Variants in DDR2 observed in about 807,000 individuals in gnomAD.
The protein encoded by DDR2 is discoidin domain receptor tyrosine kinase 2, also known as discoidin domain-containing receptor 2.
In DDR2, 27 loss-of-function variants were observed where a neutral mutation model predicts 94.9. That is an observed-to-expected ratio of 0.28 (90% CI 0.21 to 0.39). DDR2 has a LOEUF of 0.39. Among genes scored for constraint, DDR2 ranks in the 10% least tolerant of loss-of-function variants. The probability of loss-of-function intolerance (pLI) is 1.00; values close to 1 mark genes in which losing one functional copy is unlikely to be tolerated. For synonymous variants in DDR2, 382 were observed against 377.2 expected, an observed-to-expected ratio of 1.01 and a Z score of -0.15; for missense variants, 783 against 1,076.0, an observed-to-expected ratio of 0.73 and a Z score of 3.81.
chr1:162,778,660 C>G lies in DDR2; in HGVS notation c.2364C>G (p.Pro788=), dbSNP rs1452361467. ...CTTTCACCTTTTGTCAAGAACAGCCCTATTCCCAGCTGTCAGATGAACAGG... is the reference window on the plus strand; with the variant it reads ...CTTTCACCTTTTGTCAAGAACAGCCGTATTCCCAGCTGTCAGATGAACAGG... The part of the protein sequence containing the change: ...WETFTFCQEQ[P]YSQLSDEQVI... Residue 788 remains proline, a synonymous_variant, in exon 17 of 18, where the codon CCC becomes CCG. Transcript: ENST00000367921. 6.2e-7 allele frequency: 1 copy of G among 1,613,876 alleles called. No homozygotes were observed. Among genetic ancestry groups the G allele is most frequent in the East Asian group, 2.2e-5 (1 of 44,888 alleles).
At chr1:162,756,444 G>T (rs537681570) in intron 7 of DDR2, among the ~76,000 whole-genome samples, 1 of 152,330 alleles carries the variant, frequency 6.6e-6, no homozygotes, top group African/African-American at 2.4e-5. Context: ...GGAACTTAGG[G>T]TTGGGTACAG....
At chr1:162,670,728 T>G (rs777700485) in intron 2 of DDR2, among the ~76,000 whole-genome samples, 28 of 152,228 alleles carry the variant, frequency 1.8e-4, no homozygotes, top group Non-Finnish European at 3.2e-4. Flanking sequence ...TGATTTCAGT[T>G]GCTTTAACCA....
intron 1 of DDR2, among the ~76,000 whole-genome samples, chr1:162,642,693 G>C (rs1657200784): frequency 6.6e-6 from 1 of 152,072 alleles, no homozygotes; most frequent in Non-Finnish European, 1.5e-5. Flanking sequence ...AGGCAGTGCT[G>C]GTGTCTTTCT....
chr1:162,780,296 A>T lies in DDR2; in HGVS notation c.*50A>T. 1 of 1,612,450 alleles carries T rather than the reference A, an allele frequency of 6.2e-7. No individual in the cohort carries two copies. The highest frequency in any genetic ancestry group is 1.1e-5 in the South Asian group (1 of 91,000). ...CTACGGCTCAGGTCCTCCCTACAAG[A>T]CCTACCACTCACCCATGCCTATGCC... On this transcript the variant is annotated 3_prime_UTR_variant, in exon 18 of 18. Coordinates refer to ENST00000367921, the MANE Select transcript of DDR2 (RefSeq NM_006182.4).
chr1:162,681,290 C>T (rs1659384445), intron 2 of DDR2, among the ~76,000 whole-genome samples: 1 of 152,184 alleles, frequency 6.6e-6, no homozygotes, highest in Non-Finnish European at 1.5e-5. Context: ...TTGGGTTACA[C>T]AATCTACAAT....
intron 1 of DDR2, among the ~76,000 whole-genome samples, chr1:162,636,888 CTT>C (rs1362691230): frequency 6.6e-6 from 1 of 151,954 alleles, no homozygotes; most frequent in African/African-American, 2.4e-5. Flanking sequence ...TTTGAATGCT[CTT>C]ATGAATCCAA....
chr1:162,756,139 T>A (rs942654673), intron 7 of DDR2, among the ~76,000 whole-genome samples: 14 of 152,308 alleles, frequency 9.2e-5, no homozygotes, highest in African/African-American at 3.1e-4. Context: ...ATAAGTATAA[T>A]ACTCTGGGCA....
chr1:162,723,198 A>T (rs1418435121), intron 3 of DDR2, among the ~76,000 whole-genome samples: 1 of 152,164 alleles, frequency 6.6e-6, no homozygotes, highest in East Asian at 1.9e-4. Context: ...CAGGCTGAAG[A>T]TATAGCGTAT....
At chr1:162,666,885 C>CAT (rs986822438) in intron 2 of DDR2, among the ~76,000 whole-genome samples, 1 of 149,318 alleles carries the variant, frequency 6.7e-6, no homozygotes, top group Non-Finnish European at 1.5e-5. Flanking sequence ...TCTAAAGTTT[C>CAT]ATATATATAT....
chr1:162,661,563 A>G (rs921792724), intron 2 of DDR2, among the ~76,000 whole-genome samples: 1 of 152,202 alleles, frequency 6.6e-6, no homozygotes, highest in Non-Finnish European at 1.5e-5. Context: ...GTGTACACCA[A>G]GCATACAGAG....
At chr1:162,708,167 T>C (rs1660740798) in intron 2 of DDR2, among the ~76,000 whole-genome samples, 1 of 152,180 alleles carries the variant, frequency 6.6e-6, no homozygotes, top group African/African-American at 2.4e-5. Context: ...AAGATTGCTC[T>C]GCCAAAAGGG....
rs1210114531 is a variant in DDR2, at chr1:162,767,234, A to G, written c.1168A>G (p.Met390Val). 4.3e-6 allele frequency: 7 copies of G among 1,614,016 alleles called. No homozygotes were observed. Among genetic ancestry groups the G allele is most frequent in the East Asian group, 4.5e-5 (2 of 44,876 alleles). Residue 390 changes from methionine to valine, a missense_variant, in exon 11 of 18, where the codon ATG becomes GTG. Met to Val is a conservative substitution (Grantham distance 21). Coordinates refer to ENST00000367921, the MANE Select transcript of DDR2 (RefSeq NM_006182.4). ...CCTTCTCTCCCTGGTCACAGATCCA[A>G]TGCTTAAAGTTGATGACAGCAACAC... is the stretch of plus-strand genomic sequence containing the variant. ...SPMAPTTYDP[M>V]LKVDDSNTRI...
intron 2 of DDR2, among the ~76,000 whole-genome samples, chr1:162,691,899 A>G (rs1158914527): frequency 2.6e-5 from 4 of 152,216 alleles, no homozygotes; most frequent in Non-Finnish European, 5.9e-5. Context: ...AAGGTATCAC[A>G]AGGGACACTG....
At chr1:162,659,292 G>A (rs983648043) in intron 2 of DDR2, among the ~76,000 whole-genome samples, 2 of 152,194 alleles carry the variant, frequency 1.3e-5, no homozygotes, top group Non-Finnish European at 2.9e-5. Flanking sequence ...GATGTTCAAG[G>A]AACACATGCT....
intron 2 of DDR2, among the ~76,000 whole-genome samples, chr1:162,704,222 C>T (rs924261036): frequency 2.0e-5 from 3 of 152,178 alleles, no homozygotes; most frequent in African/African-American, 7.2e-5. Context: ...TAAAGCATCT[C>T]CCTGCCCCTA....
At position 162,778,700 on chromosome 1, in the gene DDR2, GGA is replaced by G; in HGVS notation, c.2408_2409del (p.Glu803ValfsTer19). The G allele has an allele frequency of 6.2e-7, 1 of 1,613,958 alleles. No homozygotes were observed. The highest frequency in any genetic ancestry group is 8.5e-7 in the Non-Finnish European group (1 of 1,179,904). On this transcript the variant is annotated frameshift_variant, in exon 17 of 18. Coordinates refer to ENST00000367921, the MANE Select transcript of DDR2 (RefSeq NM_006182.4). LOFTEE classifies it high-confidence loss of function. ...LSDEQVIENT[G>X]EFFRDQGRQT... is the part of the protein sequence containing the mutation. ...AGATGAACAGGTTATTGAGAATACT[GGA>G]GAGTTCTTCCGAGACCAAGGGAGGC...
chr1:162,711,277 C>T (rs573549331), intron 2 of DDR2, among the ~76,000 whole-genome samples: 1 of 152,154 alleles, frequency 6.6e-6, no homozygotes, highest in East Asian at 1.9e-4. Context: ...GTAATGGCTA[C>T]TCATCTAGTG....
intron 2 of DDR2, among the ~76,000 whole-genome samples, chr1:162,711,216 T>A (rs895906953): frequency 6.6e-6 from 1 of 152,238 alleles, no homozygotes; most frequent in African/African-American, 2.4e-5. Context: ...AAAGATTTGC[T>A]ATTCAAAGGA....
At chr1:162,707,347 A>G (rs73024540) in intron 2 of DDR2, among the ~76,000 whole-genome samples, 7,082 of 152,300 alleles carry the variant, frequency 0.047, 273 homozygotes, top group East Asian at 0.19. Flanking sequence ...AGAACAAACC[A>G]GTCTGTTCTG....
Sources: gnomAD v4.1 joint callset for allele counts (sites outside exome capture counted in the v4.1 genomes callset) on GRCh38, gnomAD v4.1.1 for gene constraint, MANE v1.5 for transcripts, NCBI Gene and HGNC (gene_info 2026-07-23, HGNC 2026-07-21) for gene names.